The following MYO3B variants were observed in gnomAD, a reference collection of about 807,000 sequenced individuals.
MYO3B encodes myosin IIIB, also known as myosin-IIIb.
Under a neutral mutation model 174.6 loss-of-function variants are expected in MYO3B, and 156 were observed. That is an observed-to-expected ratio of 0.89 (90% CI 0.78 to 1.02). The LOEUF is 1.02. Among genes scored for constraint, MYO3B ranks in the 50% least tolerant of loss-of-function variants. The pLI, the probability that MYO3B is intolerant of heterozygous loss-of-function variation, is 0.00. For synonymous variants in MYO3B, 563 were observed against 569.1 expected (o/e 0.99, Z 0.15); for missense variants, 1,632 against 1,639.4 (o/e 1.00, Z 0.08).
chr2:170,233,065 C>T (rs531021041), intron 6 of MYO3B, among the ~76,000 whole-genome samples: 19 of 152,292 alleles, frequency 1.2e-4, no homozygotes, highest in African/African-American at 4.6e-4. Context: ...TTAGAATTGC[C>T]TTTTGTGTCC....
At chr2:170,285,921 T>C (rs2093553075) in intron 7 of MYO3B, among the ~76,000 whole-genome samples, 1 of 152,164 alleles carries the variant, frequency 6.6e-6, no homozygotes, top group African/African-American at 2.4e-5. Context: ...CTTTCTTACA[T>C]GAAAAGCCAA....
chr2:170,609,082 T>G (rs1694986529), intron 32 of MYO3B, among the ~76,000 whole-genome samples: 1 of 152,192 alleles, frequency 6.6e-6, no homozygotes, highest in Non-Finnish European at 1.5e-5. Flanking sequence ...AATATTTGGT[T>G]GTAATTAAGA....
At chr2:170,453,358 T>G (rs906604030) in intron 23 of MYO3B, among the ~76,000 whole-genome samples, 1 of 151,548 alleles carries the variant, frequency 6.6e-6, no homozygotes, top group Non-Finnish European at 1.5e-5. Context: ...AAATCCTTTT[T>G]TTCTATTAAT....
In MYO3B at chr2:170,466,689, C is replaced by G. The variant is rs1684658950; in HGVS notation, c.2992C>G (p.Leu998Val). 3 of 1,614,050 alleles carry G rather than the reference C, an allele frequency of 1.9e-6. No individual in the cohort carries two copies. The highest frequency in any genetic ancestry group is 1.3e-5 in the African/African-American group (1 of 74,940). ...CCGCCAGGGCTATTCCCACCGCATC[C>G]TTTTTGAAGAATTTGTGAAAAGGTC... is the stretch of plus-strand genomic sequence containing the variant. ...IRRQGYSHRI[L>V]FEEFVKRYYY... Residue 998 changes from leucine to valine, a missense_variant, in exon 25 of 35, where the codon CTT becomes GTT. Physicochemically the swap from Leu to Val is conservative, Grantham distance 32. Coordinates refer to ENST00000408978, the MANE Select transcript of MYO3B (RefSeq NM_138995.5).
Position 170,646,000 on chromosome 2 carries a change from G to A in MYO3B, c.3734-5628G>A, listed in dbSNP as rs182275850. On this transcript the variant is annotated intron_variant, in intron 32 of 34. Transcript: ENST00000408978. ...CTATAAAAGTGTTATGGCTGGGCAC[G>A]GTGGCTCATGCCTGTAATCCCAGCA... Among the ~76,000 whole-genome samples, 399 of 152,198 alleles carry A rather than the reference G, an allele frequency of 2.6e-3. 2 individuals carry two copies. Among genetic ancestry groups the A allele is most frequent in the Admixed American group, 4.5e-3 (69 of 15,282 alleles).
At chr2:170,530,019 G>A (rs537710669) in intron 30 of MYO3B, among the ~76,000 whole-genome samples, 6 of 152,050 alleles carry the variant, frequency 3.9e-5, no homozygotes, top group Non-Finnish European at 7.4e-5. Flanking sequence ...CACTAGCATC[G>A]CCCTGGTCAC....
chr2:170,222,853 A>C (rs550070675), intron 6 of MYO3B, among the ~76,000 whole-genome samples: 2 of 152,114 alleles, frequency 1.3e-5, no homozygotes, highest in African/African-American at 4.8e-5. Flanking sequence ...CAAGTTTCCA[A>C]GGTAATTAGT....
intron 7 of MYO3B, among the ~76,000 whole-genome samples, chr2:170,239,440 G>C (rs1351429063): frequency 2.6e-5 from 4 of 152,202 alleles, no homozygotes; most frequent in Admixed American, 1.3e-4. Flanking sequence ...CAGTGTGGGT[G>C]GGTTCACTGG....
At chr2:170,525,522 G>GA (rs1688942167) in intron 30 of MYO3B, among the ~76,000 whole-genome samples, 1 of 152,192 alleles carries the variant, frequency 6.6e-6, no homozygotes, top group South Asian at 2.1e-4. Context: ...GAAGAGGCAG[G>GA]AGATTGATAA....
At chr2:170,556,319 G>A (rs189331673) in intron 32 of MYO3B, among the ~76,000 whole-genome samples, 170 of 152,260 alleles carry the variant, frequency 1.1e-3, no homozygotes, top group African/African-American at 3.9e-3. Context: ...GTTTTGGTGT[G>A]GATGTAACTT....
rs534660958 is a variant in MYO3B at position 170,243,624 on chromosome 2, T to C, written c.749+7488T>C. Among the ~76,000 whole-genome samples, 6 of 152,254 alleles carry C rather than the reference T, an allele frequency of 3.9e-5. No homozygotes were observed. In the East Asian group the frequency reaches 9.6e-4, roughly 24 times the overall value. ...TATTGTGGGAGTTAAAGAATGTAAATTGGTCAGAATATTTCATAGTAAGCA... is the reference window on the plus strand; with the variant it reads ...TATTGTGGGAGTTAAAGAATGTAAACTGGTCAGAATATTTCATAGTAAGCA... On this transcript the variant is annotated intron_variant, in intron 7 of 34. Transcript: ENST00000408978.
At chr2:170,192,491 G>A (rs915037977) in intron 1 of MYO3B, among the ~76,000 whole-genome samples, 1 of 143,410 alleles carries the variant, frequency 7.0e-6, no homozygotes, top group African/African-American at 2.6e-5. Context: ...CTATTTTATT[G>A]TTTTGTCCCC....
At chr2:170,230,950 G>A (rs945747670) in intron 6 of MYO3B, among the ~76,000 whole-genome samples, 2 of 152,208 alleles carry the variant, frequency 1.3e-5, no homozygotes, top group African/African-American at 2.4e-5. Context: ...AAAAATGCCA[G>A]GCTCTGGGAT....
intron 32 of MYO3B, among the ~76,000 whole-genome samples, chr2:170,592,249 T>C (rs931565900): frequency 6.6e-6 from 1 of 152,128 alleles, no homozygotes; most frequent in Admixed American, 6.5e-5. Context: ...GGTAGAAATA[T>C]CCCTAAAAAG....
chr2:170,480,577 C>T (rs1241681649), intron 25 of MYO3B, among the ~76,000 whole-genome samples: 1 of 152,212 alleles, frequency 6.6e-6, no homozygotes, highest in Non-Finnish European at 1.5e-5. Context: ...GGAACCCCAA[C>T]TTGAAGCTGG....
intron 32 of MYO3B, among the ~76,000 whole-genome samples, chr2:170,604,600 G>A (rs1694702363): frequency 1.3e-5 from 2 of 152,082 alleles, no homozygotes; most frequent in African/African-American, 4.8e-5. Context: ...GAGTTAGAGA[G>A]GAACAATAAT....
intron 30 of MYO3B, chr2:170,524,668 G>A (rs1045226252): frequency 4.8e-5 from 16 of 333,252 alleles, no homozygotes; most frequent in African/African-American, 3.3e-4. Context: ...GTTTTTAGTG[G>A]AGATGGGGTT....
At chr2:170,595,615 G>T (rs6719574) in intron 32 of MYO3B, among the ~76,000 whole-genome samples, 58,931 of 151,688 alleles carry the variant, frequency 0.39, 14,624 homozygotes, top group African/African-American at 0.7. Context: ...ATTTTTGTAC[G>T]TTTTGTAGAG....
At position 170,402,878 on chromosome 2, in the gene MYO3B, C is replaced by G. The variant is rs774209809; in HGVS notation, c.2160C>G (p.Ile720Met). ...CAGGAGGTGGAATGAATGTGGGGAT[C>G]TTGGATATCTTTGGATTCGAGAATT... ...CSAGGGMNVG[I>M]LDIFGFENFQ... Residue 720 changes from isoleucine (I) to methionine (M), a missense_variant, in exon 19 of 35, where the codon ATC (isoleucine) becomes ATG (methionine). Coordinates refer to ENST00000408978, the MANE Select transcript of MYO3B (RefSeq NM_138995.5). The G allele has an allele frequency of 6.2e-7, 1 of 1,611,872 alleles. No homozygotes were observed. Among genetic ancestry groups the G allele is most frequent in the Non-Finnish European group, 8.5e-7 (1 of 1,178,356 alleles).
Sources: allele counts gnomAD v4.1 joint callset (sites outside exome capture counted in the v4.1 genomes callset), GRCh38; gene constraint gnomAD v4.1.1; transcripts MANE v1.5; gene names NCBI Gene and HGNC (gene_info 2026-07-23, HGNC 2026-07-21).